The following NUCB2 variants were observed in gnomAD, a reference collection of about 807,000 sequenced individuals.
NUCB2 encodes the protein nucleobindin-2.
A neutral mutation model predicts 57.9 loss-of-function variants in NUCB2; 48 were observed. That is an observed-to-expected ratio of 0.83 (90% confidence interval 0.66 to 1.05). The LOEUF is 1.05. Ranked by LOEUF, NUCB2 falls within the 50% of genes least tolerant of loss-of-function variation. The probability of loss-of-function intolerance (pLI) is 0.00; values close to 1 mark genes in which losing one functional copy is unlikely to be tolerated. For synonymous variants in NUCB2, 139 were observed against 152.1 expected (o/e 0.91, Z 0.64); for missense variants, 442 against 476.2 (o/e 0.93, Z 0.67).
intron 1 of NUCB2, among the ~76,000 whole-genome samples, chr11:17,282,148 C>T (rs926397593): frequency 7.3e-5 from 11 of 150,086 alleles, no homozygotes; most frequent in African/African-American, 2.7e-4. Flanking sequence ...CCTAGTTATT[C>T]AAGAGTGGAG....
intron 11 of NUCB2, among the ~76,000 whole-genome samples, chr11:17,321,905 G>A (rs1290036151): frequency 6.6e-6 from 1 of 152,118 alleles, no homozygotes; most frequent in African/African-American, 2.4e-5. Flanking sequence ...TTCGAGAAAT[G>A]TCTACTCAAA....
Position 17,311,283 on chromosome 11 carries a change from G to A in NUCB2, c.760G>A (p.Asp254Asn), listed in dbSNP as rs1948447392. 1.9e-6 allele frequency: 3 copies of A among 1,576,978 alleles called. No homozygotes were observed. The highest frequency in any genetic ancestry group is 1.8e-5 in the Admixed American group (1 of 56,416). Reference sequence around the variant, plus strand: ...CCCCAAGACATTTTTCAAATTACATGGTAACGATTTGATACAAATATTAAT... The same window carrying A: ...CCCCAAGACATTTTTCAAATTACATAGTAACGATTTGATACAAATATTAAT... ...FDPKTFFKLHDVNSDGFLDEQ... is the reference protein window; with the variant it reads ...FDPKTFFKLHNVNSDGFLDEQ... The change falls in exon 8 of 14, where the codon GAT (aspartate) becomes AAT (asparagine). Residue 254 changes from aspartate (D) to asparagine (N), a missense_variant and splice_region_variant. Transcript: ENST00000529010.
chr11:17,316,913 AT>A (rs1367376082), intron 11 of NUCB2, among the ~76,000 whole-genome samples: 2 of 152,242 alleles, frequency 1.3e-5, no homozygotes, highest in African/African-American at 4.8e-5. Context: ...AAAGCCAGAC[AT>A]TTCTGGGCAA....
chr11:17,343,722 T>C (rs1311431062), intron 2 of NUCB2, among the ~76,000 whole-genome samples: 1 of 152,238 alleles, frequency 6.6e-6, no homozygotes, highest in African/African-American at 2.4e-5. Context: ...AACAGTTTTA[T>C]GGAGGTATTT....
rs1256727240 is a variant in NUCB2 at position 17,330,711 on chromosome 11, T to C, written c.1174-191T>C. The stretch of plus-strand genomic sequence containing the variant: ...CTCGAACTCCTGGCCTTAAGTGATC[T>C]TCCCACCTGGGCCTCTGAAATTGTT... On this transcript the variant is annotated intron_variant, in intron 12 of 13. Coordinates refer to ENST00000529010, the MANE Select transcript of NUCB2 (RefSeq NM_005013.4). The surrounding 1 kb of genome is among the most constrained non-coding windows in gnomAD (Gnocchi z 4.3). Among the ~76,000 whole-genome samples, 1 of 152,186 alleles carries C rather than the reference T, an allele frequency of 6.6e-6. No individual in the cohort carries two copies. The highest frequency in any genetic ancestry group is 2.4e-5 in the African/African-American group (1 of 41,458).
intron 8 of NUCB2, 87 bp downstream of exon 8, chr11:17,311,370 G>A: frequency 1.0e-6 from 1 of 956,422 alleles, no homozygotes; most frequent in Non-Finnish European, 1.6e-6. Context: ...GCCAAGGTCT[G>A]CTATTGAGTT....
intron 11 of NUCB2, among the ~76,000 whole-genome samples, chr11:17,316,785 A>G (rs1949310955): frequency 1.3e-5 from 2 of 152,218 alleles, no homozygotes; most frequent in African/African-American, 4.8e-5. Context: ...AAAACTGAAA[A>G]TATTACTATT....
intron 2 of NUCB2, among the ~76,000 whole-genome samples, chr11:17,288,880 TATACACACACACAC>T (rs766897406): frequency 0.018 from 1,216 of 67,492 alleles, 76 homozygotes; most frequent in South Asian, 0.023. Flanking sequence ...ATAACATGTA[TATACACACACACAC>T]ACACACACAC....
At chr11:17,282,242 A>C (rs393405) in intron 1 of NUCB2, among the ~76,000 whole-genome samples, 39,477 of 117,646 alleles carry the variant, frequency 0.34, 7,647 homozygotes, top group Middle Eastern at 0.44. Context: ...CTATCTATAT[A>C]TATATATATA....
intron 11 of NUCB2, among the ~76,000 whole-genome samples, chr11:17,324,923 T>C (rs1950488339): frequency 6.6e-6 from 1 of 152,062 alleles, no homozygotes; most frequent in Non-Finnish European, 1.5e-5. Context: ...TGCCTCAGCC[T>C]CCTGAGTAGC....
exon 3 of NUCB2, chr11:17,349,543 T>C (rs955649950): frequency 6.6e-6 from 1 of 152,234 alleles, no homozygotes; most frequent in African/African-American, 2.4e-5. Context: ...TTCCTTCTCT[T>C]TAAGGACATT....
intron 2 of NUCB2, among the ~76,000 whole-genome samples, chr11:17,347,606 A>G (rs1321397805): frequency 6.6e-6 from 1 of 152,190 alleles, no homozygotes; most frequent in African/African-American, 2.4e-5. Flanking sequence ...TTACAATACT[A>G]TTAATCTAAC....
chr11:17,342,610 T>G (rs954668411), intron 2 of NUCB2, among the ~76,000 whole-genome samples: 13 of 150,604 alleles, frequency 8.6e-5, no homozygotes, highest in Admixed American at 7.3e-4. Flanking sequence ...AGTTTCCATG[T>G]AGTTGAGTGG....
rs552996935 is a variant in NUCB2 at position 17,278,094 on chromosome 11, A to G, written c.-156+1266A>G. ...TTTTTTTTTAACTAGACAATTTTAG[A>G]AACTTAAAGGAGGCAAAAATTTATT... On this transcript the variant is annotated intron_variant, in intron 1 of 13. Transcript: ENST00000529010. Among the ~76,000 whole-genome samples the G allele has an allele frequency of 3.0e-3, 459 of 151,852 alleles. 2 individuals are homozygous for G. Among genetic ancestry groups the G allele is most frequent in the African/African-American group, 8.2e-3 (340 of 41,424 alleles).
chr11:17,310,192 A>C (rs1948270160), intron 6 of NUCB2, among the ~76,000 whole-genome samples: 3 of 151,776 alleles, frequency 2.0e-5, no homozygotes, highest in African/African-American at 4.8e-5. Context: ...AAGCCATTTT[A>C]GTTTTCTGTA....
chr11:17,329,570 C>T (rs1475780298), intron 11 of NUCB2, among the ~76,000 whole-genome samples: 2 of 152,234 alleles, frequency 1.3e-5, no homozygotes, highest in African/African-American at 4.8e-5. Context: ...GACAGGGCAG[C>T]ACTGAGTTCA....
chr11:17,329,773 T>C (rs1951157426), intron 11 of NUCB2, among the ~76,000 whole-genome samples: 1 of 152,206 alleles, frequency 6.6e-6, no homozygotes, highest in African/African-American at 2.4e-5. Context: ...TGTTTGCTTC[T>C]TGTGCTTTTC....
chr11:17,282,903 C>T lies in NUCB2; in HGVS notation c.-41C>T, dbSNP rs1468993400. The T allele has an allele frequency of 1.3e-5, 2 of 152,020 alleles. No homozygotes were observed. The highest frequency in any genetic ancestry group is 2.9e-5 in the Non-Finnish European group (2 of 68,022). 9.4% of individuals were successfully genotyped at this position (152,020 alleles called of 1,614,324 possible). A position where few individuals can be genotyped will look rare whatever the true frequency, so the allele number is the denominator to read the frequency against. ...TTACCTCTCTGGATCTCAGTTGTCTCATCTGTAAAAAGGAGATAAAAATTA... is the reference window on the plus strand; with the variant it reads ...TTACCTCTCTGGATCTCAGTTGTCTTATCTGTAAAAAGGAGATAAAAATTA... On this transcript the variant is annotated 5_prime_UTR_variant, in exon 2 of 14. Coordinates refer to ENST00000529010, the MANE Select transcript of NUCB2 (RefSeq NM_005013.4).
intron 2 of NUCB2, among the ~76,000 whole-genome samples, chr11:17,343,564 T>C (rs1224702495): frequency 6.6e-6 from 1 of 152,216 alleles, no homozygotes; most frequent in Non-Finnish European, 1.5e-5. Context: ...CTGTCCTCCA[T>C]TGTTAAGGTG....
Sources: gnomAD v4.1 joint callset for allele counts (sites outside exome capture counted in the v4.1 genomes callset) on GRCh38, gnomAD v4.1.1 for gene constraint, Gnocchi (gnomAD v3.1) non-coding constraint, MANE v1.5 for transcripts, NCBI Gene and HGNC (gene_info 2026-07-23, HGNC 2026-07-21) for gene names.